The following HPCA variants were observed in gnomAD, a reference collection of about 807,000 sequenced individuals.
HPCA encodes hippocalcin.
Under a neutral mutation model 18.2 loss-of-function variants are expected in HPCA, and 4 were observed. The observed-to-expected ratio is 0.22, with a 90% CI of 0.11 to 0.50. HPCA has a LOEUF of 0.50. Ranked by LOEUF, HPCA falls within the 20% of genes least tolerant of loss-of-function variation. The probability of loss-of-function intolerance (pLI) is 0.97; values close to 1 mark genes in which losing one functional copy is unlikely to be tolerated. For synonymous variants in HPCA, 93 were observed against 103.5 expected (o/e 0.90, Z 0.61); for missense variants, 161 against 265.8 (o/e 0.61, Z 2.74).
At position 32,889,085 on chromosome 1, in the gene HPCA, A is replaced by C. The variant is rs1433818041; in HGVS notation, c.187A>C (p.Lys63Gln). 3.7e-6 allele frequency: 6 copies of C among 1,614,246 alleles called. No homozygotes were observed. The highest frequency in any genetic ancestry group is 5.1e-6 in the Non-Finnish European group (6 of 1,180,044). Residue 63 changes from lysine to glutamine, a missense_variant, in exon 2 of 4, where the codon AAG becomes CAG. Physicochemically the swap from Lys to Gln is moderately conservative, Grantham distance 53 (BLOSUM62 1). Transcript: ENST00000373467. This position sits in a 1 kb window ranked among gnomAD's most constrained non-coding sequence, Gnocchi z 4.6. ...CTTCTTTCCCTATGGTGACGCCTCC[A>C]AGTTTGCCGAGCACGTCTTCCGCAC... ...ANFFPYGDASKFAEHVFRTFD... is the reference protein window; with the variant it reads ...ANFFPYGDASQFAEHVFRTFD...
chr1:32,887,423 T>C (rs1641388685), intron 1 of HPCA, among the ~76,000 whole-genome samples: 1 of 152,188 alleles, frequency 6.6e-6, no homozygotes, highest in Non-Finnish European at 1.5e-5. Flanking sequence ...AGGCCCCTCC[T>C]TGCCCTAAGT....
chr1:32,894,144 G>A lies in HPCA; in HGVS notation c.*282G>A. 2.3e-6 allele frequency: 1 copy of A among 432,682 alleles called. No individual in the cohort carries two copies. Among genetic ancestry groups the A allele is most frequent in the Non-Finnish European group, 4.1e-6 (1 of 241,140 alleles). The allele number at this position is 432,682 out of a possible 1,614,324, so 26.8% of individuals were successfully genotyped here. A position where few individuals can be genotyped will look rare whatever the true frequency, so the allele number is the denominator to read the frequency against. On this transcript the variant is annotated 3_prime_UTR_variant, in exon 4 of 4. Transcript: ENST00000373467. ...TACCCACCCACCAGCCCCAAGGCCC[G>A]ACCCCTCCCCCAAAGGGGCAGTCCC...
In HPCA at chr1:32,893,319, G is replaced by A. The variant is rs894140117; in HGVS notation, c.379-205G>A. ...CCAGCCCTCCAAGGGAGCGCGGCAG[G>A]GCCCGCCCGATAGCCCTCTCTTCTG... On this transcript the variant is annotated intron_variant, in intron 2 of 3. Transcript: ENST00000373467. This position sits in a 1 kb window ranked among gnomAD's most constrained non-coding sequence, Gnocchi z 7.5. Among the ~76,000 whole-genome samples, 2 of 152,174 alleles carry A rather than the reference G, an allele frequency of 1.3e-5. No homozygotes were observed. The highest frequency in any genetic ancestry group is 2.4e-5 in the African/African-American group (1 of 41,446).
rs373435512 is a variant in HPCA at position 32,893,521 on chromosome 1, C to T, written c.379-3C>T. On this transcript the variant is annotated splice_region_variant and splice_polypyrimidine_tract_variant and intron_variant, in intron 2 of 3. Transcript: ENST00000373467. The surrounding 1 kb of genome is among the most constrained non-coding windows in gnomAD (Gnocchi z 7.5). ...CACTCCCCGCCTCCCCTCCCGCCCCCAGGCCATTTACAAGATGGTTTCGTC... is the reference window on the plus strand; with the variant it reads ...CACTCCCCGCCTCCCCTCCCGCCCCTAGGCCATTTACAAGATGGTTTCGTC... 1.2e-6 allele frequency: 2 copies of T among 1,608,436 alleles called. No individual in the cohort carries two copies. The highest frequency in any genetic ancestry group is 1.7e-6 in the Non-Finnish European group (2 of 1,175,244).
At chr1:32,887,506 C>G (rs1641389843) in intron 1 of HPCA, among the ~76,000 whole-genome samples, 1 of 152,122 alleles carries the variant, frequency 6.6e-6, no homozygotes, top group South Asian at 2.1e-4. Context: ...TCATTGCCTT[C>G]TACTCAGCCT....
At chr1:32,888,780 A>T in intron 1 of HPCA, 98 bp from the exon 2 acceptor site, 1 of 1,134,454 alleles carries the variant, frequency 8.8e-7, no homozygotes, top group East Asian at 2.3e-5. Context: ...AACAAGAGGC[A>T]GGGATGGCTG....
At chr1:32,888,838 T>G in intron 1 of HPCA, 40 bp from the exon 2 acceptor site, 1 of 1,541,062 alleles carries the variant, frequency 6.5e-7, no homozygotes, top group Non-Finnish European at 8.7e-7. Context: ...CAGGAGGGCC[T>G]GATCACTCCT....
chr1:32,892,041 T>C (rs1284374), intron 2 of HPCA, among the ~76,000 whole-genome samples: 150,484 of 152,322 alleles, frequency 0.99, 74,362 homozygotes, highest in East Asian at 1. Flanking sequence ...TGTGAAGTAC[T>C]TGGCACAGAG....
Position 32,894,578 on chromosome 1 carries a change from C to T in HPCA, c.*716C>T. On this transcript the variant is annotated 3_prime_UTR_variant, in exon 4 of 4. Coordinates refer to ENST00000373467, the MANE Select transcript of HPCA (RefSeq NM_002143.3). The stretch of plus-strand genomic sequence containing the variant: ...CCCTCTGTCCCCCCAACCGCCCCCC[C>T]TGCATGCAGCCAAATGGAGCATCTC... The T allele has an allele frequency of 3.6e-6, 2 of 562,784 alleles. No homozygotes were observed. Among genetic ancestry groups the T allele is most frequent in the Non-Finnish European group, 6.0e-6 (2 of 334,032 alleles). 34.9% of individuals were successfully genotyped at this position (562,784 alleles called of 1,614,324 possible).
rs1448228792 is a variant in HPCA, at chr1:32,893,887, C to T, written c.*25C>T. On this transcript the variant is annotated 3_prime_UTR_variant, in exon 4 of 4. Transcript: ENST00000373467. This position sits in a 1 kb window ranked among gnomAD's most constrained non-coding sequence, Gnocchi z 7.5. The stretch of plus-strand genomic sequence containing the variant: ...AGAGGAGCCAGGTTCCCCTTCCTCC[C>T]TCCCTTCACCGGCCCCCTCCCGGCT... 5.5e-6 allele frequency: 8 copies of T among 1,462,266 alleles called. No homozygotes were observed. Among genetic ancestry groups the T allele is most frequent in the Non-Finnish European group, 6.6e-6 (7 of 1,065,948 alleles). 90.6% of individuals were successfully genotyped at this position (1,462,266 alleles called of 1,614,324 possible). A position where few individuals can be genotyped will look rare whatever the true frequency, so the allele number is the denominator to read the frequency against.
At chr1:32,888,669 A>G (rs1570016847) in intron 1 of HPCA, among the ~76,000 whole-genome samples, 1 of 152,146 alleles carries the variant, frequency 6.6e-6, no homozygotes, top group Non-Finnish European at 1.5e-5. Context: ...CTCCCAGGAA[A>G]GCGTATGGTC....
intron 2 of HPCA, among the ~76,000 whole-genome samples, chr1:32,891,084 C>A (rs1429412768): frequency 6.6e-6 from 1 of 152,232 alleles, no homozygotes; most frequent in Non-Finnish European, 1.5e-5. Context: ...AAACCCCAGT[C>A]CTGCTGGAGC....
intron 1 of HPCA, among the ~76,000 whole-genome samples, chr1:32,887,171 GT>G (rs1333001335): frequency 2.0e-5 from 3 of 152,160 alleles, no homozygotes; most frequent in Admixed American, 6.5e-5. Context: ...AAACATGCAT[GT>G]GACACACCGC....
chr1:32,891,160 G>T (rs1406411823), intron 2 of HPCA, among the ~76,000 whole-genome samples: 1 of 152,236 alleles, frequency 6.6e-6, no homozygotes, highest in Non-Finnish European at 1.5e-5. Context: ...CCTTTCTGGT[G>T]GCCTCTGCTA....
rs540843534 is a variant in HPCA, at chr1:32,886,809, CAG to C, written c.-22+297_-22+298del. Among the ~76,000 whole-genome samples the C allele has an allele frequency of 4.0e-3, 606 of 152,188 alleles. 6 individuals are homozygous for C. The highest frequency in any genetic ancestry group is 0.014 in the African/African-American group (567 of 41,548). On this transcript the variant is annotated intron_variant, in intron 1 of 3. Transcript: ENST00000373467. This position sits in a 1 kb window ranked among gnomAD's most constrained non-coding sequence, Gnocchi z 7.0. The stretch of plus-strand genomic sequence containing the variant: ...GCGGATGGAGGCGGGGGCTGGGGGA[CAG>C]AGCTGAGGGAGGTTTGGAGCGGGTC...
At position 32,889,361 on chromosome 1, in the gene HPCA, C is replaced by T. The variant is rs559047251; in HGVS notation, c.378+85C>T. The stretch of plus-strand genomic sequence containing the variant: ...CCCTTTTGATCCTCTCAGCAGACCT[C>T]GTAGGCATGTGGTGGCAGGGGATAT... On this transcript the variant is annotated intron_variant, in intron 2 of 3. Transcript: ENST00000373467. The surrounding 1 kb of genome is among the most constrained non-coding windows in gnomAD (Gnocchi z 4.6). 496 of 1,382,108 alleles carry T rather than the reference C, an allele frequency of 3.6e-4. 7 individuals carry two copies. In the South Asian group the frequency reaches 6.5e-3, roughly 18 times the overall value. 85.6% of individuals were successfully genotyped at this position (1,382,108 alleles called of 1,614,324 possible).
upstream of HPCA, chr1:32,886,290 G>C (rs1395936091): frequency 6.6e-6 from 1 of 152,134 alleles, no homozygotes; most frequent in Non-Finnish European, 1.5e-5. The surrounding 1 kb of genome is among the most constrained non-coding windows in gnomAD (Gnocchi z 7.0). Flanking sequence ...GAGGGGGACC[G>C]GGGAACTGAG....
In HPCA at chr1:32,893,637, G is replaced by T. The variant is rs760567691; in HGVS notation, c.484+8G>T. The T allele has an allele frequency of 8.2e-6, 13 of 1,584,280 alleles. No homozygotes were observed. In the South Asian group the frequency reaches 1.4e-4, roughly 18 times the overall value. On this transcript the variant is annotated splice_region_variant and intron_variant, in intron 3 of 3. Transcript: ENST00000373467. This position sits in a 1 kb window ranked among gnomAD's most constrained non-coding sequence, Gnocchi z 7.5. ...TGGACACAAACAACGACGGTGAGGG[G>T]CAGGGGCGGGACGGGGTGGACGGGG...
At position 32,889,028 on chromosome 1, in the gene HPCA, A is replaced by C; in HGVS notation, c.130A>C (p.Asn44His). 6.2e-7 allele frequency: 1 copy of C among 1,614,190 alleles called. No homozygotes were observed. ...FLKDCPTGIL[N>H]VDEFKKIYAN... ...CAAGGACTGCCCCACAGGAATCCTC[A>C]ATGTGGATGAGTTCAAGAAGATCTA... The change falls in exon 2 of 4, where the codon AAT (asparagine) becomes CAT (histidine). Residue 44 changes from asparagine (N) to histidine (H), a missense_variant. Coordinates refer to ENST00000373467, the MANE Select transcript of HPCA (RefSeq NM_002143.3). This position sits in a 1 kb window ranked among gnomAD's most constrained non-coding sequence, Gnocchi z 4.6.
Sources: allele counts gnomAD v4.1 joint callset (sites outside exome capture counted in the v4.1 genomes callset), GRCh38; gene constraint gnomAD v4.1.1; non-coding constraint Gnocchi (gnomAD v3.1); transcripts MANE v1.5; gene names NCBI Gene and HGNC (gene_info 2026-07-23, HGNC 2026-07-21).